Variants in PIGQ observed in about 807,000 individuals in gnomAD.
PIGQ encodes the protein phosphatidylinositol N-acetylglucosaminyltransferase subunit Q.
PIGQ carries 54 observed loss-of-function variants against 60.3 expected under a neutral mutation model. That is an observed-to-expected ratio of 0.90 (90% CI 0.72 to 1.12). PIGQ has a LOEUF of 1.12. Ranked by LOEUF, PIGQ falls within the 50% of genes most tolerant of loss-of-function variation. The pLI, the probability that PIGQ is intolerant of heterozygous loss-of-function variation, is 0.00. For synonymous variants in PIGQ, 416 were observed against 363.7 expected, an observed-to-expected ratio of 1.14 and a Z score of -1.64; for missense variants, 799 against 793.5, an observed-to-expected ratio of 1.01 and a Z score of -0.08.
chr16:579,861 A>C, intron 7 of PIGQ: 10 of 197,156 alleles, frequency 5.1e-5, no homozygotes, highest in South Asian at 1.9e-4. Flanking sequence ...CTCGGAGACT[A>C]GAGTTGCCCG....
At chr16:582,473 C>T (rs932946660) in intron 10 of PIGQ, 164 bp downstream of exon 10, 6 of 604,086 alleles carry the variant, frequency 9.9e-6, no homozygotes, top group African/African-American at 9.2e-5. Flanking sequence ...CCCCCTCCCC[C>T]TTACCCCCAG....
Position 578,906 on chromosome 16 carries a change from C to T in PIGQ, c.1191C>T (p.Phe397=), listed in dbSNP as rs370675673. Residue 397 remains phenylalanine (F), a synonymous_variant, in exon 6 of 11, where the codon TTC becomes TTT. Transcript: ENST00000321878. Reference sequence around the variant, plus strand: ...CGGACATTATCGCCCTCCTCACCTTCCACATCTACTGCTTTTACGTCTATG... The same window carrying T: ...CGGACATTATCGCCCTCCTCACCTTTCACATCTACTGCTTTTACGTCTATG... ...LLSDIIALLT[F]HIYCFYVYGA... The T allele has an allele frequency of 1.9e-6, 3 of 1,613,320 alleles. No homozygotes were observed. The highest frequency in any genetic ancestry group is 2.7e-5 in the African/African-American group (2 of 74,914).
At position 580,224 on chromosome 16, in the gene PIGQ, C is replaced by T; in HGVS notation, c.1377C>T (p.Leu459=). 1 of 1,613,054 alleles carries T rather than the reference C, an allele frequency of 6.2e-7. No individual in the cohort carries two copies. Among genetic ancestry groups the T allele is most frequent in the Non-Finnish European group, 8.5e-7 (1 of 1,179,476 alleles). The change falls in exon 8 of 11, where the codon CTC becomes CTT. Residue 459 remains leucine, a synonymous_variant. Transcript: ENST00000321878. ...GTLLFTILLF[L]LPTTALYYLV... The stretch of plus-strand genomic sequence containing the variant: ...TGCTCTTCACCATCCTGCTCTTCCT[C>T]CTGCCTACCACAGCCCTGTACTACC...
intron 4 of PIGQ, 35 bp from the exon 5 acceptor site, chr16:578,344 G>A (rs991373739): frequency 6.3e-7 from 1 of 1,589,452 alleles, no homozygotes; most frequent in Non-Finnish European, 8.5e-7. Flanking sequence ...GAGCCTGGCT[G>A]CCCCCGCCCC....
intron 1 of PIGQ, chr16:572,657 C>T (rs1475010305): frequency 1.1e-5 from 5 of 455,614 alleles, no homozygotes; most frequent in Non-Finnish European, 2.2e-5. Context: ...AGGCATCCCA[C>T]TCTGTTCCCT....
chr16:576,291 G>C (rs1214473044), intron 4 of PIGQ, 37 bp downstream of exon 4: 1 of 1,542,876 alleles, frequency 6.5e-7, no homozygotes, highest in Non-Finnish European at 8.7e-7. Flanking sequence ...GTCCCGGGTG[G>C]GCGTGGGGAC....
chr16:578,732 G>C (rs1319298258), intron 5 of PIGQ, 53 bp from the exon 6 acceptor site: 1 of 1,586,414 alleles, frequency 6.3e-7, no homozygotes, highest in East Asian at 2.2e-5. Flanking sequence ...GGGTTGTGCT[G>C]GGCCGAGGGC....
chr16:572,370 C>T (rs957846220), intron 1 of PIGQ: 3 of 384,272 alleles, frequency 7.8e-6, no homozygotes, highest in Non-Finnish European at 1.6e-5. Context: ...CAGCTAGAAC[C>T]CACCGCCTTG....
chr16:572,631 G>C (rs1046611154), intron 1 of PIGQ: 5 of 455,606 alleles, frequency 1.1e-5, no homozygotes, highest in Middle Eastern at 6.5e-4. Context: ...AGGGCGTGGT[G>C]GGCTCTGAGA....
chr16:574,519 G>A lies in PIGQ; in HGVS notation c.445G>A (p.Asp149Asn), dbSNP rs867573847. Residue 149 changes from aspartate to asparagine, a missense_variant, in exon 2 of 11, where the codon GAC becomes AAC. Coordinates refer to ENST00000321878, the MANE Select transcript of PIGQ (RefSeq NM_004204.5). ...GCTACACCTGCCCACCGTCCTGCCC[G>A]ACCGCCAGGCTGGAGCCACCACTGC... is the stretch of plus-strand genomic sequence containing the variant. ...SQLHLPTVLP[D>N]RQAGATTAST... The A allele has an allele frequency of 1.2e-5, 19 of 1,607,200 alleles. No individual in the cohort carries two copies. The Middle Eastern group carries it at 1.3e-3, about 113-fold the overall frequency.
chr16:583,739 G>A lies in PIGQ; in HGVS notation c.*704G>A, dbSNP rs1332957273. On this transcript the variant is annotated 3_prime_UTR_variant, in exon 11 of 11. Transcript: ENST00000321878. Reference sequence around the variant, plus strand: ...GACCCAGCCGTACCTATTCGTCCACGGTGCCCCGTAGCAGCAGGTCCTGCG... The same window carrying A: ...GACCCAGCCGTACCTATTCGTCCACAGTGCCCCGTAGCAGCAGGTCCTGCG... 7 of 1,339,944 alleles carry A rather than the reference G, an allele frequency of 5.2e-6. No homozygotes were observed. The highest frequency in any genetic ancestry group is 2.9e-5 in the African/African-American group (2 of 69,752). 83.0% of individuals were successfully genotyped at this position (1,339,944 alleles called of 1,614,324 possible).
chr16:580,367 C>A, intron 8 of PIGQ, 104 bp downstream of exon 8: 1 of 870,248 alleles, frequency 1.1e-6, no homozygotes, highest in Non-Finnish European at 1.8e-6. Context: ...TCTCCTGCTG[C>A]AGGCCACGTG....
intron 2 of PIGQ, among the ~76,000 whole-genome samples, chr16:575,093 G>C (rs896243110): frequency 2.0e-5 from 3 of 152,212 alleles, no homozygotes; most frequent in Non-Finnish European, 2.9e-5. Context: ...CTGCTGCCTG[G>C]GGGTGCTCCT....
rs964488399 is a variant in PIGQ, at chr16:579,190, A to C, written c.1335+10A>C. On this transcript the variant is annotated intron_variant, in intron 7 of 10. Transcript: ENST00000321878. The stretch of plus-strand genomic sequence containing the variant: ...CTATGACCTGGACCAGGTATGGGGC[A>C]GGGTTCGTGGCTGGAGGGGCTGACT... The C allele has an allele frequency of 1.9e-6, 3 of 1,607,804 alleles. No homozygotes were observed. The highest frequency in any genetic ancestry group is 1.7e-6 in the Non-Finnish European group (2 of 1,175,502).
intron 1 of PIGQ, among the ~76,000 whole-genome samples, chr16:573,328 CCT>C (rs1271597870): frequency 1.3e-5 from 2 of 152,198 alleles, no homozygotes; most frequent in East Asian, 3.9e-4. Context: ...GAAAATGCTC[CCT>C]GAGGGAGCCC....
rs761842670 is a variant in PIGQ, at chr16:578,974, G to A, written c.1223+36G>A. 8.2e-6 allele frequency: 13 copies of A among 1,590,496 alleles called. No homozygotes were observed. The South Asian group carries it at 1.1e-4, about 14-fold the overall frequency. ...GCTTCCCCCTCCCCACCGCCCCCTG[G>A]GAGGTGCAGAGGCTCCGGCTGGGCG... On this transcript the variant is annotated intron_variant, in intron 6 of 10. Coordinates refer to ENST00000321878, the MANE Select transcript of PIGQ (RefSeq NM_004204.5).
chr16:573,817 C>T (rs1023436806), intron 1 of PIGQ, among the ~76,000 whole-genome samples: 2 of 152,104 alleles, frequency 1.3e-5, no homozygotes, highest in African/African-American at 2.4e-5. Flanking sequence ...CGTCCTGCCT[C>T]GTGCGGGTGG....
chr16:572,571 G>A (rs951005247), intron 1 of PIGQ: 9 of 452,876 alleles, frequency 2.0e-5, no homozygotes, highest in Non-Finnish European at 4.0e-5. Context: ...CCCTAAGGAT[G>A]TGGTGGGCTC....
Position 579,130 on chromosome 16 carries a change from T to C in PIGQ, c.1285T>C (p.Trp429Arg), listed in dbSNP as rs1404900615. The C allele has an allele frequency of 1.2e-6, 2 of 1,612,736 alleles. No homozygotes were observed. Among genetic ancestry groups the C allele is most frequent in the African/African-American group, 1.3e-5 (1 of 74,852 alleles). Residue 429 changes from tryptophan (W) to arginine (R), a missense_variant, in exon 7 of 11, where the codon TGG (tryptophan) becomes CGG (arginine). Coordinates refer to ENST00000321878, the MANE Select transcript of PIGQ (RefSeq NM_004204.5). ...GTGGCGTCTGTTCCGGGGGAAGAAG[T>C]GGAACGTTCTGCGCCAGCGCGTGGA... is the stretch of plus-strand genomic sequence containing the variant. ...SLWRLFRGKK[W>R]NVLRQRVDSC...
Sources: allele counts gnomAD v4.1 joint callset (sites outside exome capture counted in the v4.1 genomes callset), GRCh38; gene constraint gnomAD v4.1.1; transcripts MANE v1.5; gene names NCBI Gene and HGNC (gene_info 2026-07-23, HGNC 2026-07-21).